The following LIN7A variants were observed in gnomAD, a reference collection of about 807,000 sequenced individuals.
The protein encoded by LIN7A is protein lin-7 homolog A.
LIN7A carries 25 observed loss-of-function variants against 29.8 expected under a neutral mutation model. That is an observed-to-expected ratio of 0.84 (90% CI 0.61 to 1.17). The LOEUF (loss-of-function observed/expected upper bound fraction) is 1.17. Ranked by LOEUF, LIN7A falls within the 50% of genes most tolerant of loss-of-function variation. The pLI is 0.00. For synonymous variants in LIN7A, 118 were observed against 107.5 expected (o/e 1.10, Z -0.60); for missense variants, 239 against 287.0 (o/e 0.83, Z 1.21).
intron 1 of LIN7A, among the ~76,000 whole-genome samples, chr12:80,912,776 C>T (rs991669170): frequency 2.7e-5 from 4 of 150,288 alleles, no homozygotes; most frequent in Admixed American, 1.3e-4. Flanking sequence ...ATATGTTATA[C>T]GTATGTTAAA....
chr12:80,832,036 A>G (rs1223009617), intron 4 of LIN7A, among the ~76,000 whole-genome samples: 5 of 152,176 alleles, frequency 3.3e-5, no homozygotes, highest in African/African-American at 4.8e-5. Context: ...TTGGTTACAG[A>G]CTTTACTGAG....
chr12:80,893,651 G>T (rs2120677508), intron 1 of LIN7A, among the ~76,000 whole-genome samples: 1 of 152,306 alleles, frequency 6.6e-6, no homozygotes, highest in East Asian at 1.9e-4. Flanking sequence ...CAACAACTAA[G>T]TAAGGAAGGC....
chr12:80,844,257 T>C (rs1353829840), intron 4 of LIN7A, among the ~76,000 whole-genome samples: 2 of 152,086 alleles, frequency 1.3e-5, no homozygotes, highest in Admixed American at 1.3e-4. Context: ...AAAGCTTATC[T>C]CAAAACATTA....
chr12:80,817,124 A>G (rs1388148202), intron 4 of LIN7A, among the ~76,000 whole-genome samples: 5 of 152,202 alleles, frequency 3.3e-5, no homozygotes, highest in African/African-American at 7.2e-5. Flanking sequence ...TACTATTTGT[A>G]TACACTGTGA....
rs183795308 is a variant in LIN7A, at chr12:80,807,261, G to A, written c.*4204C>T. 6.9e-4 allele frequency among the ~76,000 whole-genome samples: 104 copies of A among 151,762 alleles called. 2 individuals carry two copies. In the East Asian group the frequency reaches 0.019, roughly 28 times the overall value. ...TAATTTTTTTATTTTTAGTAGAGAC[G>A]GGGTTTCACCGAATTAGCCAGGATG... is the stretch of plus-strand genomic sequence containing the variant. On this transcript the variant is annotated intron_variant, in intron 5 of 5. Transcript: ENST00000552864.
chr12:80,799,415 A>T (rs1054079031), intron 5 of LIN7A, among the ~76,000 whole-genome samples: 6 of 152,202 alleles, frequency 3.9e-5, no homozygotes, highest in African/African-American at 1.4e-4. Flanking sequence ...TAATCTCCAT[A>T]AACTATAAAT....
chr12:80,918,228 T>A (rs1806446279), intron 1 of LIN7A, among the ~76,000 whole-genome samples: 1 of 151,810 alleles, frequency 6.6e-6, no homozygotes, highest in South Asian at 2.1e-4. Flanking sequence ...TTTTTTTTAT[T>A]TATTTTTTAA....
chr12:80,822,331 G>T (rs1284863896), intron 4 of LIN7A, among the ~76,000 whole-genome samples: 1 of 152,200 alleles, frequency 6.6e-6, no homozygotes, highest in African/African-American at 2.4e-5. Context: ...GCTGAGGTGG[G>T]TGGATCACCT....
At chr12:80,847,676 T>C (rs1873141596) in intron 3 of LIN7A, among the ~76,000 whole-genome samples, 1 of 152,200 alleles carries the variant, frequency 6.6e-6, no homozygotes, top group South Asian at 2.1e-4. Flanking sequence ...GTTATCGGTA[T>C]AACATTTCCA....
At chr12:80,871,304 C>T (rs909972568) in intron 2 of LIN7A, among the ~76,000 whole-genome samples, 1 of 152,104 alleles carries the variant, frequency 6.6e-6, no homozygotes, top group African/African-American at 2.4e-5. Context: ...TAACACACAA[C>T]ATATACTGAG....
intron 2 of LIN7A, among the ~76,000 whole-genome samples, chr12:80,874,847 T>G (rs996541046): frequency 1.3e-5 from 2 of 151,838 alleles, no homozygotes; most frequent in African/African-American, 2.4e-5. Context: ...AGCCGGGCAT[T>G]GTGGCGGGCG....
chr12:80,797,456 A>G lies in LIN7A; in HGVS notation c.*271T>C, dbSNP rs1000162041. The G allele has an allele frequency of 6.6e-6, 1 of 152,640 alleles. No homozygotes were observed. The highest frequency in any genetic ancestry group is 6.6e-5 in the Admixed American group (1 of 15,266). 9.5% of individuals were successfully genotyped at this position (152,640 alleles called of 1,614,324 possible). On this transcript the variant is annotated 3_prime_UTR_variant, in exon 6 of 6. Transcript: ENST00000552864. ...TTCTTCTTACACTGTTTCAGTTTGC[A>G]GACTAGAAAACCTCTCCCTCTGCAC...
At chr12:80,917,590 G>C (rs1246293014) in intron 1 of LIN7A, among the ~76,000 whole-genome samples, 2 of 151,764 alleles carry the variant, frequency 1.3e-5, no homozygotes, top group Non-Finnish European at 2.9e-5. Context: ...ATTTGTAAAA[G>C]TATCTTTCTT....
At chr12:80,798,085 T>C (rs1439401048) in intron 5 of LIN7A, among the ~76,000 whole-genome samples, 1 of 152,234 alleles carries the variant, frequency 6.6e-6, no homozygotes, top group Admixed American at 6.5e-5. Context: ...CTTTTAGTAG[T>C]GCTTTTGTTG....
At chr12:80,845,605 A>T in intron 4 of LIN7A, 125 bp downstream of exon 4, 1 of 701,816 alleles carries the variant, frequency 1.4e-6, no homozygotes, top group Non-Finnish European at 2.3e-6. Context: ...ATCAATGCTT[A>T]GAAAGCTGGT....
At position 80,937,808 on chromosome 12, in the gene LIN7A, AG is replaced by A. The variant is rs1218900308; in HGVS notation, c.-87del. ...ACGGAAAGGAGGGGGAGGAGGGGGA[AG>A]GAAGGAAGGTGGTGGTGGTGGAGAA... On this transcript the variant is annotated 5_prime_UTR_variant, in exon 1 of 6. Coordinates refer to ENST00000552864, the MANE Select transcript of LIN7A (RefSeq NM_004664.4). The A allele has an allele frequency of 4.5e-6, 3 of 662,830 alleles. No individual in the cohort carries two copies. In the African/African-American group the frequency reaches 5.8e-5, roughly 13 times the overall value. The allele number at this position is 662,830 out of a possible 1,614,324, so 41.1% of individuals were successfully genotyped here.
chr12:80,917,843 G>A (rs1877102549), intron 1 of LIN7A, among the ~76,000 whole-genome samples: 1 of 152,052 alleles, frequency 6.6e-6, no homozygotes, highest in Admixed American at 6.6e-5. Flanking sequence ...TTGGTTTGTT[G>A]TGTACACTGA....
chr12:80,905,695 T>C (rs1876442363), intron 1 of LIN7A, among the ~76,000 whole-genome samples: 1 of 152,216 alleles, frequency 6.6e-6, no homozygotes, highest in South Asian at 2.1e-4. Flanking sequence ...AGGATGCTAA[T>C]GGCATCTTGG....
intron 1 of LIN7A, among the ~76,000 whole-genome samples, chr12:80,925,271 G>T (rs1440916962): frequency 6.6e-6 from 1 of 152,222 alleles, no homozygotes; most frequent in African/African-American, 2.4e-5. Context: ...ACATCAAGAA[G>T]TATGTGATTT....
Sources: allele counts gnomAD v4.1 joint callset (sites outside exome capture counted in the v4.1 genomes callset), GRCh38; gene constraint gnomAD v4.1.1; transcripts MANE v1.5; gene names NCBI Gene and HGNC (gene_info 2026-07-23, HGNC 2026-07-21).